Variants in CA5B observed in about 807,000 individuals in gnomAD.
The protein encoded by CA5B is carbonic anhydrase 5B.
In CA5B, 15 loss-of-function variants were observed where a neutral mutation model predicts 23.1. The ratio of observed to expected loss-of-function variants is 0.65; its 90% CI spans 0.43 to 1.00. The LOEUF is 1.00. Ranked by LOEUF, CA5B falls within the 50% of genes least tolerant of loss-of-function variation. CA5B has a pLI of 0.00. For missense variants in CA5B, 236 were observed against 252.2 expected, an observed-to-expected ratio of 0.94 and a Z score of 0.43; for synonymous variants, 84 against 98.5, an observed-to-expected ratio of 0.85 and a Z score of 0.87.
At chrX:15,750,261 G>T in intron 2 of CA5B, 96 bp downstream of exon 2, 1 of 714,990 alleles carries the variant, frequency 1.4e-6, no homozygotes. Flanking sequence ...AAAGAAAAGA[G>T]GGAGCAAGTG....
At chrX:15,753,621 G>A (rs180845911) in intron 2 of CA5B, among the ~76,000 whole-genome samples, 1 of 112,434 alleles carries the variant, frequency 8.9e-6, no homozygotes, top group East Asian at 2.8e-4. Context: ...ATATATTTTG[G>A]GGTAAGGCTG....
intron 2 of CA5B, among the ~76,000 whole-genome samples, chrX:15,761,279 TC>T (rs1376977867): frequency 2.7e-5 from 3 of 111,961 alleles, no homozygotes; most frequent in Non-Finnish European, 3.8e-5. Flanking sequence ...CTTCTATTGA[TC>T]CTGTCATCCA....
At chrX:15,771,562 G>T (rs1343653648) in intron 3 of CA5B, among the ~76,000 whole-genome samples, 1 of 106,461 alleles carries the variant, frequency 9.4e-6, no homozygotes, top group Non-Finnish European at 1.9e-5. Flanking sequence ...GAGTAGCTGG[G>T]ACTACAGGCA....
At chrX:15,770,924 T>C (rs758486438) in intron 3 of CA5B, among the ~76,000 whole-genome samples, 167 of 108,982 alleles carry the variant, frequency 1.5e-3, no homozygotes, top group African/African-American at 5.4e-3. Flanking sequence ...CCCGCCACCA[T>C]GCCCAGCTAA....
chrX:15,753,894 GA>G (rs202040066), intron 2 of CA5B, among the ~76,000 whole-genome samples: 4,024 of 112,388 alleles, frequency 0.036, 181 homozygotes, highest in African/African-American at 0.12. Flanking sequence ...TGGGCGACAA[GA>G]GCGAAATTCT....
At chrX:15,739,897 T>C (rs1931083653) in intron 1 of CA5B, among the ~76,000 whole-genome samples, 2 of 111,842 alleles carry the variant, frequency 1.8e-5, no homozygotes, top group African/African-American at 6.5e-5. Context: ...AATCAGGTGG[T>C]GATCAAAGGA....
intron 3 of CA5B, chrX:15,767,109 C>G (rs1240788414): frequency 3.7e-5 from 32 of 860,030 alleles, no homozygotes; most frequent in Non-Finnish European, 4.3e-5. Flanking sequence ...CTATAGGATA[C>G]CAACCCTCAT....
At chrX:15,746,082 G>A (rs1225215430) in intron 1 of CA5B, among the ~76,000 whole-genome samples, 2 of 77,198 alleles carry the variant, frequency 2.6e-5, no homozygotes, top group Non-Finnish European at 4.6e-5. Flanking sequence ...CTGTCACTCA[G>A]GCTGGAGTGC....
chrX:15,757,203 A>T (rs781067145), intron 2 of CA5B, among the ~76,000 whole-genome samples: 1 of 108,212 alleles, frequency 9.2e-6, no homozygotes, highest in African/African-American at 3.4e-5. Context: ...GTGAAACCCC[A>T]TCTCTACTAA....
chrX:15,755,372 A>G (rs186726545), intron 2 of CA5B, among the ~76,000 whole-genome samples: 1 of 111,924 alleles, frequency 8.9e-6, no homozygotes, highest in East Asian at 2.8e-4. Flanking sequence ...AGTTCCTTTT[A>G]TAGCCCTGAT....
At chrX:15,764,815 A>G in intron 3 of CA5B, 40 bp downstream of exon 3, 1 of 874,338 alleles carries the variant, frequency 1.1e-6, no homozygotes, top group Non-Finnish European at 1.6e-6. Flanking sequence ...GAGTTAAAGA[A>G]ACAGTGTCAT....
At chrX:15,767,576 G>T (rs751497020) in intron 3 of CA5B, among the ~76,000 whole-genome samples, 4 of 108,225 alleles carry the variant, frequency 3.7e-5, no homozygotes, top group Non-Finnish European at 5.8e-5. Context: ...TAATTTTTTT[G>T]TTTGTTTGTT....
chrX:15,754,929 T>A (rs2081326254), intron 2 of CA5B, among the ~76,000 whole-genome samples: 1 of 112,329 alleles, frequency 8.9e-6, no homozygotes, highest in Non-Finnish European at 1.9e-5. Context: ...TTCATTAAAT[T>A]TTTATAGCTA....
chrX:15,740,473 G>A (rs1931096747), intron 1 of CA5B, among the ~76,000 whole-genome samples: 1 of 112,554 alleles, frequency 8.9e-6, no homozygotes, highest in Admixed American at 9.4e-5. Flanking sequence ...TATAGGTATT[G>A]CAATCAAGCA....
At position 15,754,384 on chromosome X, in the gene CA5B, G is replaced by A. The variant is rs905976211; in HGVS notation, c.142+4219G>A. ...TCTGACCATTTTAAGAGGAGGCAAA[G>A]CAAAATAAGGAGTGAATGAAAGTAG... On this transcript the variant is annotated intron_variant, in intron 2 of 7. Coordinates refer to ENST00000318636, the MANE Select transcript of CA5B (RefSeq NM_007220.4). Among the ~76,000 whole-genome samples the A allele has an allele frequency of 1.2e-4, 14 of 112,683 alleles. No individual in the cohort carries two copies. In the South Asian group the frequency reaches 5.1e-3, roughly 41 times the overall value.
chrX:15,739,548 C>G (rs1307288232), intron 1 of CA5B, among the ~76,000 whole-genome samples: 1 of 110,638 alleles, frequency 9.0e-6, no homozygotes, highest in Non-Finnish European at 1.9e-5. Context: ...CACCTGCCCT[C>G]TTCTCCCTGG....
At chrX:15,777,108 A>G (rs941659776) in intron 7 of CA5B, among the ~76,000 whole-genome samples, 5 of 112,303 alleles carry the variant, frequency 4.5e-5, no homozygotes, top group Non-Finnish European at 7.5e-5. Flanking sequence ...ACAATTACAT[A>G]TGTCTTCTTA....
rs1488604729 is a variant in CA5B at position 15,788,293 on chromosome X, T to C, written c.*5629T>C. 8.9e-6 allele frequency: 1 copy of C among 111,912 alleles called. No homozygotes were observed. Among genetic ancestry groups the C allele is most frequent in the Non-Finnish European group, 1.9e-5 (1 of 53,213 alleles). The allele number at this position is 111,912 out of a possible 1,213,427, so 9.2% of individuals were successfully genotyped here. A position where few individuals can be genotyped will look rare whatever the true frequency, so the allele number is the denominator to read the frequency against. On this transcript the variant is annotated 3_prime_UTR_variant, in exon 8 of 8. Transcript: ENST00000318636. ...GAAGTTTTCACACTAATGATGATGG[T>C]GATGAGATGATGTAACAGCTAAAGT...
intron 3 of CA5B, among the ~76,000 whole-genome samples, chrX:15,771,406 A>G (rs1931817320): frequency 9.6e-6 from 1 of 104,058 alleles, no homozygotes; most frequent in African/African-American, 3.6e-5. Context: ...TTTTGCCTAT[A>G]ATATATTGGT....
Sources: allele counts gnomAD v4.1 joint callset (sites outside exome capture counted in the v4.1 genomes callset), GRCh38; gene constraint gnomAD v4.1.1; transcripts MANE v1.5; gene names NCBI Gene and HGNC (gene_info 2026-07-23, HGNC 2026-07-21).